The following GPHN variants were observed in gnomAD, a reference collection of about 807,000 sequenced individuals.
The protein encoded by GPHN is gephyrin.
GPHN carries 17 observed loss-of-function variants against 95.5 expected under a neutral mutation model. That is an observed-to-expected ratio of 0.18 (90% CI 0.12 to 0.27). The LOEUF (loss-of-function observed/expected upper bound fraction) is 0.27, where lower values mean the gene tolerates loss of function less well. Among genes scored for constraint, GPHN ranks in the 10% least tolerant of loss-of-function variants. The pLI, the probability that GPHN is intolerant of heterozygous loss-of-function variation, is 1.00. For synonymous variants in GPHN, 320 were observed against 322.5 expected (o/e 0.99, Z 0.08); for missense variants, 660 against 978.1 (o/e 0.67, Z 4.34).
At chr14:67,513,077 T>C in the GPHN span, among the ~76,000 whole-genome samples, 1 of 152,174 alleles carries the variant, frequency 6.6e-6, no homozygotes, top group African/African-American at 2.4e-5. Flanking sequence ...ACTTTATAAA[T>C]GTAAAAATTC....
chr14:67,487,854 T>C, the GPHN span, among the ~76,000 whole-genome samples: 1 of 151,650 alleles, frequency 6.6e-6, no homozygotes, highest in Non-Finnish European at 1.5e-5. Context: ...GGTCTCAAGC[T>C]CTTGGCCAAC....
chr14:67,440,099 G>A, the GPHN span, among the ~76,000 whole-genome samples: 1 of 152,178 alleles, frequency 6.6e-6, no homozygotes, highest in Admixed American at 6.5e-5. Context: ...GCCTCCCAAA[G>A]TGCTGGGATT....
chr14:67,097,313 C>CTT (rs764968048), intron 12 of GPHN, among the ~76,000 whole-genome samples: 1 of 152,116 alleles, frequency 6.6e-6, no homozygotes, highest in Non-Finnish European at 1.5e-5. Context: ...GAAAAGGACG[C>CTT]TTTAAGTAGT....
intron 2 of GPHN, among the ~76,000 whole-genome samples, chr14:66,733,950 C>A (rs2072029349): frequency 6.6e-6 from 1 of 152,144 alleles, no homozygotes; most frequent in Non-Finnish European, 1.5e-5. Flanking sequence ...TTGCCACCAT[C>A]CCTCTTCAGT....
the GPHN span, among the ~76,000 whole-genome samples, chr14:67,601,876 A>AT: frequency 6.0e-5 from 9 of 151,220 alleles, no homozygotes; most frequent in South Asian, 2.1e-4. Context: ...GTCTATATTC[A>AT]TTTAAAAAAA....
the GPHN span, chr14:67,722,669 C>A: frequency 1.1e-5 from 17 of 1,613,602 alleles, no homozygotes; most frequent in Admixed American, 1.7e-5. Context: ...GACTGCTCAC[C>A]TCCTTCTTCT....
chr14:67,734,528 G>A, the GPHN span: 1 of 155,762 alleles, frequency 6.4e-6, no homozygotes. Context: ...AGTTTAGTGA[G>A]TAGCATTTCA....
chr14:66,904,183 C>T (rs1442780748), intron 5 of GPHN, among the ~76,000 whole-genome samples: 1 of 152,012 alleles, frequency 6.6e-6, no homozygotes, highest in Non-Finnish European at 1.5e-5. Flanking sequence ...TTAAAGGTGG[C>T]GTGGACCAAA....
intron 1 of GPHN, among the ~76,000 whole-genome samples, chr14:66,655,958 G>A (rs759177805): frequency 6.6e-5 from 10 of 151,984 alleles, no homozygotes; most frequent in Admixed American, 2.0e-4. Context: ...ATTTAGTCAC[G>A]ATATATAGTT....
At chr14:66,662,648 CTT>C (rs1433787848) in intron 1 of GPHN, among the ~76,000 whole-genome samples, 1 of 152,174 alleles carries the variant, frequency 6.6e-6, no homozygotes, top group Non-Finnish European at 1.5e-5. Flanking sequence ...CAGAAGTAGA[CTT>C]CGGAATGTGG....
chr14:67,696,548 C>G, the GPHN span, among the ~76,000 whole-genome samples: 1 of 152,106 alleles, frequency 6.6e-6, no homozygotes, highest in Non-Finnish European at 1.5e-5. Context: ...TTTGAGTGTT[C>G]ATTGATAATA....
chr14:67,642,793 CTT>C, the GPHN span, among the ~76,000 whole-genome samples: 25 of 75,552 alleles, frequency 3.3e-4, no homozygotes, highest in African/African-American at 1.2e-3. Flanking sequence ...ACTACATTTT[CTT>C]TTTTTTTTTT....
intron 1 of GPHN, among the ~76,000 whole-genome samples, chr14:66,580,185 A>G (rs369146260): frequency 6.6e-6 from 1 of 151,832 alleles, no homozygotes; most frequent in Non-Finnish European, 1.5e-5. Context: ...GAAAGTGGAC[A>G]CTCAACATAT....
chr14:66,512,567 A>G (rs1463858770), intron 1 of GPHN, among the ~76,000 whole-genome samples: 1 of 151,800 alleles, frequency 6.6e-6, no homozygotes, highest in Non-Finnish European at 1.5e-5. Flanking sequence ...CTGTAGTAAT[A>G]TACATTTTAA....
chr14:66,888,321 A>T (rs1380208165), intron 5 of GPHN, among the ~76,000 whole-genome samples: 2 of 152,190 alleles, frequency 1.3e-5, no homozygotes, highest in East Asian at 1.9e-4. Flanking sequence ...GAGGGGAAAA[A>T]AACTCCCTAT....
chr14:67,514,108 C>T, the GPHN span, among the ~76,000 whole-genome samples: 2 of 151,986 alleles, frequency 1.3e-5, no homozygotes, highest in Non-Finnish European at 2.9e-5. Flanking sequence ...GAGCAGAGCC[C>T]CCAAGGTTAC....
At position 66,980,275 on chromosome 14, in the gene GPHN, C is replaced by T. The variant is rs1339921014; in HGVS notation, c.963+14950C>T. Among the ~76,000 whole-genome samples, 7 of 152,068 alleles carry T rather than the reference C, an allele frequency of 4.6e-5. No homozygotes were observed. The East Asian group carries it at 5.8e-4, about 13-fold the overall frequency. On this transcript the variant is annotated intron_variant, in intron 9 of 22. Coordinates refer to ENST00000478722, the MANE Select transcript of GPHN (RefSeq NM_020806.5). ...CAATTATCCATGAAGCACGGTAAAACGAGGTATGCCTGTATACCACAGCAT... is the reference window on the plus strand; with the variant it reads ...CAATTATCCATGAAGCACGGTAAAATGAGGTATGCCTGTATACCACAGCAT...
At chr14:67,310,617 C>T in the GPHN span, among the ~76,000 whole-genome samples, 1 of 152,164 alleles carries the variant, frequency 6.6e-6, no homozygotes. Flanking sequence ...TCAAAAGTTA[C>T]TCCCAAAAGG....
At chr14:67,359,713 T>A in the GPHN span, 16 of 1,614,026 alleles carry the variant, frequency 9.9e-6, no homozygotes, top group Non-Finnish European at 1.4e-5. Context: ...ACGATAACTT[T>A]TCGGCTCGGG....
Sources: allele counts gnomAD v4.1 joint callset (sites outside exome capture counted in the v4.1 genomes callset), GRCh38; gene constraint gnomAD v4.1.1; transcripts MANE v1.5; gene names NCBI Gene and HGNC (gene_info 2026-07-23, HGNC 2026-07-21).